Variants in KALRN observed in about 807,000 individuals in gnomAD.
KALRN encodes the protein kalirin.
A neutral mutation model predicts 353.7 loss-of-function variants in KALRN; 70 were observed. The ratio of observed to expected loss-of-function variants is 0.20; its 90% CI spans 0.16 to 0.24. KALRN has a LOEUF of 0.24. Ranked by LOEUF, KALRN falls within the 10% of genes least tolerant of loss-of-function variation. The pLI, the probability that KALRN is intolerant of heterozygous loss-of-function variation, is 1.00. For missense variants in KALRN, 2,791 were observed against 3,756.7 expected (o/e 0.74, Z 6.72); for synonymous variants, 1,391 against 1,434.8 (o/e 0.97, Z 0.69).
Position 124,663,512 on chromosome 3 carries a change from C to T in KALRN, c.6345+1584C>T, listed in dbSNP as rs77006741. 3.7e-4 allele frequency among the ~76,000 whole-genome samples: 57 copies of T among 152,238 alleles called. No individual in the cohort carries two copies. In the East Asian group the frequency reaches 4.8e-3, roughly 13 times the overall value. On this transcript the variant is annotated intron_variant, in intron 45 of 59. Coordinates refer to ENST00000682506, the MANE Select transcript of KALRN (RefSeq NM_001388419.1). ...AAACTTAATAACTGACTGTTATTAA[C>T]GTATATCCAAACCTAATAAATTAAC...
intron 34 of KALRN, among the ~76,000 whole-genome samples, chr3:124,628,676 A>G (rs2080383014): frequency 6.6e-6 from 1 of 151,070 alleles, no homozygotes; most frequent in Non-Finnish European, 1.5e-5. Flanking sequence ...CCTAGGCTCA[A>G]ACTGTTCTCA....
chr3:124,094,813 C>T, intron 1 of KALRN: 1 of 1,608,748 alleles, frequency 6.2e-7, no homozygotes, highest in Non-Finnish European at 8.5e-7. Flanking sequence ...AGGGGACTGG[C>T]TGTGAAGGAT....
rs1019182556 is a variant in KALRN at position 124,325,918 on chromosome 3, C to T, written c.1093-62C>T. 79 of 1,430,378 alleles carry T rather than the reference C, an allele frequency of 5.5e-5. No individual in the cohort carries two copies. The African/African-American group carries it at 9.1e-4, about 16-fold the overall frequency. The allele number at this position is 1,430,378 out of a possible 1,614,324, so 88.6% of individuals were successfully genotyped here. The stretch of plus-strand genomic sequence containing the variant: ...CTCCCTTCCCCAAATATGTACCCCA[C>T]GAAAGTGCTCAGTGGATGTCTTTTG... On this transcript the variant is annotated intron_variant, in intron 6 of 59. Coordinates refer to ENST00000682506, the MANE Select transcript of KALRN (RefSeq NM_001388419.1).
chr3:124,323,944 C>T (rs973904509), intron 6 of KALRN, among the ~76,000 whole-genome samples: 2 of 152,148 alleles, frequency 1.3e-5, no homozygotes, highest in Admixed American at 1.3e-4. Context: ...GGTGATCACT[C>T]TCTGACCTCA....
At chr3:124,570,272 A>G (rs2073365220) in intron 34 of KALRN, among the ~76,000 whole-genome samples, 1 of 152,258 alleles carries the variant, frequency 6.6e-6, no homozygotes, top group Non-Finnish European at 1.5e-5. Context: ...ACGAAGTGAC[A>G]TGTTATAAAT....
At chr3:124,537,669 GT>G (rs2068646212) in intron 33 of KALRN, among the ~76,000 whole-genome samples, 1 of 152,206 alleles carries the variant, frequency 6.6e-6, no homozygotes, top group African/African-American at 2.4e-5. Context: ...AAGTCAAGAA[GT>G]TGGGAAAATG....
chr3:124,602,736 G>C (rs1449684541), intron 34 of KALRN, among the ~76,000 whole-genome samples: 1 of 152,140 alleles, frequency 6.6e-6, no homozygotes, highest in African/African-American at 2.4e-5. Flanking sequence ...GATAGGAATG[G>C]AATATCCATG....
At chr3:124,161,472 T>C (rs2069943440) in intron 1 of KALRN, among the ~76,000 whole-genome samples, 1 of 152,234 alleles carries the variant, frequency 6.6e-6, no homozygotes, top group African/African-American at 2.4e-5. Context: ...CCTCTACCCC[T>C]GCCTTCAAGG....
At chr3:124,142,916 A>G (rs1256714514) in intron 1 of KALRN, among the ~76,000 whole-genome samples, 1 of 152,034 alleles carries the variant, frequency 6.6e-6, no homozygotes, top group Admixed American at 6.5e-5. Flanking sequence ...AGGGGATGCT[A>G]TCACCCCACA....
At chr3:124,352,554 T>C (rs1334571349) in intron 10 of KALRN, among the ~76,000 whole-genome samples, 1 of 152,224 alleles carries the variant, frequency 6.6e-6, no homozygotes, top group Non-Finnish European at 1.5e-5. Context: ...TGTAACATTT[T>C]TGAAAGAGCA....
Position 124,697,656 on chromosome 3 carries a change from G to T in KALRN, c.7763G>T (p.Arg2588Leu). The T allele has an allele frequency of 6.2e-7, 1 of 1,608,746 alleles. No individual in the cohort carries two copies. The highest frequency in any genetic ancestry group is 8.5e-7 in the Non-Finnish European group (1 of 1,177,498). Residue 2588 changes from arginine (R) to leucine (L), a missense_variant, in exon 55 of 60, where the codon CGC becomes CTC. By Grantham distance (102) the Arg-to-Leu change is moderately radical. Transcript: ENST00000682506. Reference sequence around the variant, plus strand: ...AGAAGCTGCACCTCCGTGATTCTCCGCTGGCTGCCCCCCTCCAGCACAGGA... The same window carrying T: ...AGAAGCTGCACCTCCGTGATTCTCCTCTGGCTGCCCCCCTCCAGCACAGGA... ...QERSCTSVIL[R>L]WLPPSSTGNC...
At chr3:124,495,829 A>G (rs1380157570) in intron 32 of KALRN, among the ~76,000 whole-genome samples, 3 of 148,330 alleles carry the variant, frequency 2.0e-5, no homozygotes, top group African/African-American at 7.4e-5. Context: ...CAGCATGTAC[A>G]AAAACTTGAA....
chr3:124,235,288 AT>A (rs972331189), intron 3 of KALRN, among the ~76,000 whole-genome samples: 12 of 151,942 alleles, frequency 7.9e-5, no homozygotes, highest in Admixed American at 1.3e-4. Flanking sequence ...ATAGCAAAAG[AT>A]TTTTTTTTCC....
intron 33 of KALRN, among the ~76,000 whole-genome samples, chr3:124,526,654 G>C (rs915855614): frequency 2.0e-5 from 3 of 152,140 alleles, no homozygotes; most frequent in South Asian, 2.1e-4. Context: ...GGGTTAGATA[G>C]AGTAGCACCA....
rs77331082 is a variant in KALRN, at chr3:124,430,909, C to T, written c.2829+134C>T. The stretch of plus-strand genomic sequence containing the variant: ...CCTTCTAGTAGAATGGTCCAGGGAG[C>T]CTTCCTCTTACCCAAGAGTTGATAG... On this transcript the variant is annotated intron_variant, in intron 16 of 59. Transcript: ENST00000682506. 12,575 of 1,106,134 alleles carry T rather than the reference C, an allele frequency of 0.011. 998 individuals carry two copies. The African/African-American group carries it at 0.17, about 15-fold the overall frequency. The allele number at this position is 1,106,134 out of a possible 1,614,324, so 68.5% of individuals were successfully genotyped here.
intron 9 of KALRN, among the ~76,000 whole-genome samples, chr3:124,344,372 G>A (rs576539837): frequency 4.6e-5 from 7 of 152,228 alleles, no homozygotes; most frequent in East Asian, 3.8e-4. Flanking sequence ...TCTCTGCTGC[G>A]CAGGATCTGC....
chr3:124,287,256 C>G (rs564980984), intron 5 of KALRN, among the ~76,000 whole-genome samples: 1 of 152,280 alleles, frequency 6.6e-6, no homozygotes, highest in Non-Finnish European at 1.5e-5. Flanking sequence ...CCCCACCTCT[C>G]ATACCTGTTC....
At chr3:124,668,466 G>T (rs1056610548) in intron 47 of KALRN, among the ~76,000 whole-genome samples, 7 of 152,188 alleles carry the variant, frequency 4.6e-5, no homozygotes, top group Non-Finnish European at 8.8e-5. Context: ...CCTGGAAGCA[G>T]GACACCTGGC....
chr3:124,477,237 C>A lies in KALRN; in HGVS notation c.4102-8C>A. ...ATGCTTATCTATTATTATCTTTGTT[C>A]TTTTTAGGCAGACAAATTTCAGATG... On this transcript the variant is annotated splice_polypyrimidine_tract_variant and splice_region_variant and intron_variant, in intron 26 of 59. Transcript: ENST00000682506. 1 of 1,597,934 alleles carries A rather than the reference C, an allele frequency of 6.3e-7. No homozygotes were observed. The highest frequency in any genetic ancestry group is 8.6e-7 in the Non-Finnish European group (1 of 1,165,608).
Sources: gnomAD v4.1 joint callset for allele counts (sites outside exome capture counted in the v4.1 genomes callset) on GRCh38, gnomAD v4.1.1 for gene constraint, MANE v1.5 for transcripts, NCBI Gene and HGNC (gene_info 2026-07-23, HGNC 2026-07-21) for gene names.